Variants in STK3 observed in about 807,000 individuals in gnomAD.
STK3 encodes serine/threonine kinase 3.
Under a neutral mutation model 58.0 loss-of-function variants are expected in STK3, and 41 were observed. That is an observed-to-expected ratio of 0.71 (90% CI 0.55 to 0.92). The LOEUF is 0.92. Among genes scored for constraint, STK3 ranks in the 40% least tolerant of loss-of-function variants. The pLI is 0.00. For missense variants in STK3, 479 were observed against 602.7 expected (o/e 0.79, Z 2.15); for synonymous variants, 170 against 191.0 (o/e 0.89, Z 0.91).
At chr8:98,935,613 T>C (rs1663529688) in intron 1 of STK3, among the ~76,000 whole-genome samples, 1 of 152,382 alleles carries the variant, frequency 6.6e-6, no homozygotes, top group Middle Eastern at 3.4e-3. Flanking sequence ...TGCATGGTAC[T>C]GTATTCCTAC....
intron 3 of STK3, among the ~76,000 whole-genome samples, chr8:98,869,992 CT>C (rs565973929): frequency 7.2e-4 from 110 of 152,212 alleles, no homozygotes; most frequent in Admixed American, 4.6e-4. Flanking sequence ...TATCCCTCCC[CT>C]CTCCCCCAAC....
intron 1 of STK3, among the ~76,000 whole-genome samples, chr8:98,885,992 T>A (rs141890613): frequency 7.2e-5 from 11 of 152,284 alleles, no homozygotes; most frequent in African/African-American, 2.6e-4. Flanking sequence ...TATATAACAT[T>A]CTTAAAATGA....
At chr8:98,583,770 T>G (rs1480487263) in intron 7 of STK3, among the ~76,000 whole-genome samples, 1 of 152,092 alleles carries the variant, frequency 6.6e-6, no homozygotes, top group Non-Finnish European at 1.5e-5. Flanking sequence ...ATGAAATTCA[T>G]AGTCTATATT....
At chr8:98,740,447 A>C (rs1052217500) in intron 4 of STK3, among the ~76,000 whole-genome samples, 37 of 152,306 alleles carry the variant, frequency 2.4e-4, no homozygotes, top group South Asian at 1.2e-3. Context: ...ATTCAAGATT[A>C]TTAAAGAAAA....
At chr8:98,615,251 C>G (rs1227781926) in intron 6 of STK3, among the ~76,000 whole-genome samples, 2 of 149,370 alleles carry the variant, frequency 1.3e-5, no homozygotes, top group Non-Finnish European at 3.0e-5. Context: ...GCTGAGGGTC[C>G]TGTCTGTTAG....
At chr8:98,901,402 CA>C (rs1176478425) in intron 1 of STK3, among the ~76,000 whole-genome samples, 1 of 152,218 alleles carries the variant, frequency 6.6e-6, no homozygotes, top group African/African-American at 2.4e-5. Flanking sequence ...TTCTGTTAAT[CA>C]ATGGCTTTAG....
intron 1 of STK3, among the ~76,000 whole-genome samples, chr8:98,807,860 G>A (rs1180927799): frequency 6.6e-6 from 1 of 152,182 alleles, no homozygotes; most frequent in Non-Finnish European, 1.5e-5. Flanking sequence ...TATGAGGAAT[G>A]TTAAGAACAG....
chr8:98,627,207 C>A (rs111375980), intron 6 of STK3, among the ~76,000 whole-genome samples: 1 of 151,748 alleles, frequency 6.6e-6, no homozygotes, highest in African/African-American at 2.4e-5. Flanking sequence ...GGTAAAACCC[C>A]GTCTCTACTA....
At chr8:98,724,160 T>C (rs1310290996) in intron 4 of STK3, among the ~76,000 whole-genome samples, 5 of 152,158 alleles carry the variant, frequency 3.3e-5, no homozygotes, top group African/African-American at 4.8e-5. Context: ...GGATTAGCAA[T>C]AGGAGCACTC....
downstream of STK3, among the ~76,000 whole-genome samples, chr8:98,453,363 A>G (rs564243448): frequency 6.6e-6 from 1 of 152,284 alleles, no homozygotes; most frequent in South Asian, 2.1e-4. Flanking sequence ...CTGGGATTAC[A>G]GGTGTGAGCC....
intron 10 of STK3, among the ~76,000 whole-genome samples, chr8:98,499,646 G>C (rs1057107784): frequency 6.6e-6 from 1 of 152,122 alleles, no homozygotes; most frequent in African/African-American, 2.4e-5. Context: ...GCAGAATGTT[G>C]GTAGAAATAT....
intron 4 of STK3, among the ~76,000 whole-genome samples, chr8:98,728,524 T>C (rs1274824751): frequency 6.6e-6 from 1 of 152,142 alleles, no homozygotes; most frequent in Non-Finnish European, 1.5e-5. Flanking sequence ...ACAAGCTGCT[T>C]ATAATCCCTT....
At chr8:98,856,566 G>C (rs1302105722) in intron 3 of STK3, among the ~76,000 whole-genome samples, 1 of 152,138 alleles carries the variant, frequency 6.6e-6, no homozygotes, top group Admixed American at 6.5e-5. Flanking sequence ...AAGTGTTAGC[G>C]AAGACGTGGA....
intron 3 of STK3, chr8:98,429,289 A>C: frequency 6.2e-7 from 1 of 1,614,146 alleles, no homozygotes; most frequent in South Asian, 1.1e-5. Flanking sequence ...GATGGAATGA[A>C]GGAGGTCCCT....
At chr8:98,612,861 G>C (rs534687747) in intron 6 of STK3, among the ~76,000 whole-genome samples, 1 of 152,228 alleles carries the variant, frequency 6.6e-6, no homozygotes, top group African/African-American at 2.4e-5. Flanking sequence ...GGTGAGAAAA[G>C]AACAAGTAGG....
chr8:98,876,671 T>G (rs1232148460), intron 3 of STK3, among the ~76,000 whole-genome samples: 1 of 152,320 alleles, frequency 6.6e-6, no homozygotes, highest in Admixed American at 6.5e-5. Flanking sequence ...ATATTATAGA[T>G]GACTTCTAGG....
At chr8:98,466,538 T>C (rs72666616) in intron 10 of STK3, among the ~76,000 whole-genome samples, 4,470 of 152,308 alleles carry the variant, frequency 0.029, 108 homozygotes, top group South Asian at 0.063. Flanking sequence ...TGGGGAAGGA[T>C]GATGTCTATA....
At chr8:98,534,553 G>A (rs572146545) in intron 9 of STK3, among the ~76,000 whole-genome samples, 4 of 152,270 alleles carry the variant, frequency 2.6e-5, no homozygotes, top group Non-Finnish European at 5.9e-5. Flanking sequence ...AAGATATGGT[G>A]TCTATGGTGT....
intron 1 of STK3, among the ~76,000 whole-genome samples, chr8:98,380,525 G>T (rs1268222974): frequency 6.6e-6 from 1 of 152,156 alleles, no homozygotes; most frequent in African/African-American, 2.4e-5. Context: ...CCTTAGAATA[G>T]ATGTTATTTC....
Sources: allele counts gnomAD v4.1 joint callset (sites outside exome capture counted in the v4.1 genomes callset), GRCh38; gene constraint gnomAD v4.1.1; transcripts MANE v1.5; gene names NCBI Gene and HGNC (gene_info 2026-07-23, HGNC 2026-07-21).